The following GHR variants were observed in gnomAD, a reference collection of about 807,000 sequenced individuals.
GHR encodes growth hormone receptor.
Under a neutral mutation model 67.1 loss-of-function variants are expected in GHR, and 35 were observed. The ratio of observed to expected loss-of-function variants is 0.52; its 90% CI spans 0.40 to 0.69. The LOEUF (loss-of-function observed/expected upper bound fraction) is 0.69. Ranked by LOEUF, GHR falls within the 30% of genes least tolerant of loss-of-function variation. The probability of loss-of-function intolerance (pLI) is 0.00; values close to 1 mark genes in which losing one functional copy is unlikely to be tolerated. For synonymous variants in GHR, 272 were observed against 269.1 expected, an observed-to-expected ratio of 1.01 and a Z score of -0.10; for missense variants, 792 against 764.6, an observed-to-expected ratio of 1.04 and a Z score of -0.42.
chr5:42,451,551 A>G (rs1011390682), intron 1 of GHR, among the ~76,000 whole-genome samples: 6 of 151,974 alleles, frequency 3.9e-5, no homozygotes, highest in African/African-American at 1.5e-4. Context: ...TAAAAATACA[A>G]AGAAATTAGC....
At chr5:42,673,654 A>C (rs1756428882) in intron 3 of GHR, among the ~76,000 whole-genome samples, 1 of 152,216 alleles carries the variant, frequency 6.6e-6, no homozygotes, top group African/African-American at 2.4e-5. Context: ...CATTATACTA[A>C]GTGAGGTAAT....
rs978532995 is a variant in GHR at position 42,424,046 on chromosome 5, TGAAAACGGGAG to T, written c.-12+94_-12+104del. 2 of 153,868 alleles carry T rather than the reference TGAAAACGGGAG, an allele frequency of 1.3e-5. No homozygotes were observed. The highest frequency in any genetic ancestry group is 4.8e-5 in the African/African-American group (2 of 41,486). The allele number at this position is 153,868 out of a possible 1,614,324, so 9.5% of individuals were successfully genotyped here. A position where few individuals can be genotyped will look rare whatever the true frequency, so the allele number is the denominator to read the frequency against. On this transcript the variant is annotated intron_variant, in intron 1 of 9. Transcript: ENST00000230882. This position sits in a 1 kb window ranked among gnomAD's most constrained non-coding sequence, Gnocchi z 4.1. ...TGAACCCTGGGACTCTAGTTGTTTA[TGAAAACGGGAG>T]GATCTGTCTTATATATTTACACGGA...
chr5:42,714,639 T>C (rs762091759), intron 8 of GHR, among the ~76,000 whole-genome samples: 3 of 152,162 alleles, frequency 2.0e-5, no homozygotes, highest in Non-Finnish European at 4.4e-5. Context: ...TATAAACCAA[T>C]TGGAAAGTAA....
At chr5:42,560,280 G>A (rs1170250257) in intron 1 of GHR, among the ~76,000 whole-genome samples, 3 of 152,032 alleles carry the variant, frequency 2.0e-5, no homozygotes, top group African/African-American at 4.8e-5. Flanking sequence ...TGCAACCTCC[G>A]CCTCCTGGGT....
chr5:42,666,130 A>G (rs575719041), intron 3 of GHR, among the ~76,000 whole-genome samples: 14 of 146,344 alleles, frequency 9.6e-5, no homozygotes, highest in African/African-American at 3.6e-4. Context: ...TTTTAAGCCT[A>G]ATGCAATATA....
At chr5:42,479,778 T>G (rs1254754651) in intron 1 of GHR, among the ~76,000 whole-genome samples, 1 of 152,200 alleles carries the variant, frequency 6.6e-6, no homozygotes, top group African/African-American at 2.4e-5. Context: ...TTCTCTCTTT[T>G]CTTCTTTATT....
At chr5:42,683,943 A>C (rs1757012883) in intron 3 of GHR, among the ~76,000 whole-genome samples, 1 of 151,986 alleles carries the variant, frequency 6.6e-6, no homozygotes, top group Non-Finnish European at 1.5e-5. Context: ...TGTGTTTCAG[A>C]TTAGTTATTT....
intron 1 of GHR, among the ~76,000 whole-genome samples, chr5:42,513,853 A>G (rs1178940426): frequency 6.6e-6 from 1 of 151,776 alleles, no homozygotes; most frequent in Non-Finnish European, 1.5e-5. Context: ...CTGTGATGTT[A>G]GCTCATGTGT....
intron 2 of GHR, among the ~76,000 whole-genome samples, chr5:42,620,839 A>G (rs894464546): frequency 6.6e-6 from 1 of 152,178 alleles, no homozygotes; most frequent in African/African-American, 2.4e-5. Context: ...GAGTGAATTC[A>G]CAAGTCTTAA....
intron 1 of GHR, among the ~76,000 whole-genome samples, chr5:42,534,152 GTA>G (rs202170142): frequency 0.018 from 2,602 of 144,086 alleles, 128 homozygotes; most frequent in East Asian, 0.12. Flanking sequence ...ATATATGTAT[GTA>G]TATATATGTA....
At chr5:42,521,309 G>A (rs1274485463) in intron 1 of GHR, among the ~76,000 whole-genome samples, 3 of 152,126 alleles carry the variant, frequency 2.0e-5, no homozygotes, top group African/African-American at 7.2e-5. Context: ...CTCATACACA[G>A]CAATGGGCAC....
intron 1 of GHR, among the ~76,000 whole-genome samples, chr5:42,473,288 C>T (rs1299807165): frequency 2.6e-5 from 4 of 152,118 alleles, no homozygotes; most frequent in Admixed American, 2.0e-4. Context: ...TGGAGTGCAA[C>T]GGCGCGATCT....
intron 1 of GHR, among the ~76,000 whole-genome samples, chr5:42,489,878 GC>G (rs1579806468): frequency 2.0e-5 from 3 of 151,958 alleles, no homozygotes; most frequent in Non-Finnish European, 4.4e-5. Context: ...TGAATAAACT[GC>G]CCTTTCTAGT....
intron 1 of GHR, among the ~76,000 whole-genome samples, chr5:42,490,955 C>T (rs1346942798): frequency 1.3e-5 from 2 of 152,178 alleles, no homozygotes; most frequent in Non-Finnish European, 2.9e-5. Flanking sequence ...AAGGAAGTTC[C>T]ATTTTGGACA....
At chr5:42,674,200 G>T (rs1006559797) in intron 3 of GHR, among the ~76,000 whole-genome samples, 3 of 151,966 alleles carry the variant, frequency 2.0e-5, no homozygotes, top group Non-Finnish European at 2.9e-5. Flanking sequence ...TCCTGTTTTT[G>T]TGACAGTGAC....
At chr5:42,540,800 C>G (rs963233147) in intron 1 of GHR, among the ~76,000 whole-genome samples, 1 of 152,150 alleles carries the variant, frequency 6.6e-6, no homozygotes, top group African/African-American at 2.4e-5. Context: ...CCATGTCCTT[C>G]TGCACCCCCC....
At chr5:42,488,330 A>AT (rs2112182134) in intron 1 of GHR, among the ~76,000 whole-genome samples, 1 of 152,312 alleles carries the variant, frequency 6.6e-6, no homozygotes, top group Admixed American at 6.5e-5. Context: ...TATAGGTAAC[A>AT]TTTTCAAAGT....
intron 1 of GHR, among the ~76,000 whole-genome samples, chr5:42,531,794 G>T (rs933998843): frequency 2.6e-5 from 4 of 152,086 alleles, no homozygotes; most frequent in Admixed American, 2.0e-4. Flanking sequence ...ATTGCTATTT[G>T]TTGCAATTCA....
intron 3 of GHR, among the ~76,000 whole-genome samples, chr5:42,665,913 A>G (rs975704118): frequency 1.3e-5 from 2 of 152,140 alleles, no homozygotes; most frequent in East Asian, 3.9e-4. Context: ...TAAAACCATC[A>G]GATCTCATGA....
Sources: gnomAD v4.1 joint callset for allele counts (sites outside exome capture counted in the v4.1 genomes callset) on GRCh38, gnomAD v4.1.1 for gene constraint, Gnocchi (gnomAD v3.1) non-coding constraint, MANE v1.5 for transcripts, NCBI Gene and HGNC (gene_info 2026-07-23, HGNC 2026-07-21) for gene names.